MECOM: variants seen among roughly 807,000 people sequenced by gnomAD.
MECOM encodes histone-lysine N-methyltransferase MECOM.
MECOM carries 13 observed loss-of-function variants against 116.3 expected under a neutral mutation model. That is an observed-to-expected ratio of 0.11 (90% confidence interval 0.07 to 0.18). The LOEUF (loss-of-function observed/expected upper bound fraction) is 0.18, where lower values mean the gene tolerates loss of function less well. Ranked by LOEUF, MECOM falls within the 10% of genes least tolerant of loss-of-function variation. MECOM has a pLI of 1.00. For synonymous variants in MECOM, 528 were observed against 535.2 expected (o/e 0.99, Z 0.19); for missense variants, 1,299 against 1,509.0 (o/e 0.86, Z 2.31).
At chr3:169,596,506 G>A (rs905376577) in intron 1 of MECOM, among the ~76,000 whole-genome samples, 6 of 152,126 alleles carry the variant, frequency 3.9e-5, no homozygotes, top group Non-Finnish European at 5.9e-5. Flanking sequence ...TGGGTAAAGT[G>A]TCCTCAAAAT....
chr3:169,289,535 C>T (rs1228831745), intron 2 of MECOM, among the ~76,000 whole-genome samples: 1 of 152,144 alleles, frequency 6.6e-6, no homozygotes, highest in Non-Finnish European at 1.5e-5. Flanking sequence ...CATTAACATG[C>T]TTTCAAAACA....
chr3:169,473,428 A>C (rs533824001), intron 1 of MECOM, among the ~76,000 whole-genome samples: 45 of 152,336 alleles, frequency 3.0e-4, no homozygotes, highest in African/African-American at 1.0e-3. Flanking sequence ...TTAAGAAGTC[A>C]CTACTTTCTT....
chr3:169,120,920 A>G, intron 7 of MECOM, 136 bp downstream of exon 7: 1 of 758,000 alleles, frequency 1.3e-6, no homozygotes, highest in Non-Finnish European at 1.9e-6. Context: ...GTAATCATAA[A>G]TAGCCCTACT....
In MECOM at chr3:169,237,143, G is replaced by T. The variant is rs542651520; in HGVS notation, c.376-93311C>A. On this transcript the variant is annotated intron_variant, in intron 2 of 16. Coordinates refer to ENST00000651503, the MANE Select transcript of MECOM (RefSeq NM_004991.4). ...CAGTAAGTAATGTAATATCCACTAG[G>T]ATAATATGTAAATAGTAGAAAATAA... Among the ~76,000 whole-genome samples, 7 of 152,260 alleles carry T rather than the reference G, an allele frequency of 4.6e-5. No individual in the cohort carries two copies. In the East Asian group the frequency reaches 1.4e-3, roughly 29 times the overall value.
At chr3:169,105,898 T>A (rs1437249267) in intron 10 of MECOM, among the ~76,000 whole-genome samples, 1 of 152,118 alleles carries the variant, frequency 6.6e-6, no homozygotes, top group East Asian at 1.9e-4. Context: ...TTAGTATTTT[T>A]AAAAACATTT....
chr3:169,149,523 G>A lies in MECOM; in HGVS notation c.376-5691C>T, dbSNP rs371304909. On this transcript the variant is annotated intron_variant, in intron 2 of 16. Coordinates refer to ENST00000651503, the MANE Select transcript of MECOM (RefSeq NM_004991.4). Reference sequence around the variant, plus strand: ...GCGCTCCGAAATAAAGCGCAGCGCCGGCGGCTCCAGCCACCCAGGTGAACC... The same window carrying A: ...GCGCTCCGAAATAAAGCGCAGCGCCAGCGGCTCCAGCCACCCAGGTGAACC... 1.4e-3 allele frequency: 366 copies of A among 253,848 alleles called. 1 individual carries two copies. Among genetic ancestry groups the A allele is most frequent in the African/African-American group, 8.2e-3 (358 of 43,534 alleles). 15.7% of individuals were successfully genotyped at this position (253,848 alleles called of 1,614,324 possible). A position where few individuals can be genotyped will look rare whatever the true frequency, so the allele number is the denominator to read the frequency against.
At chr3:169,356,709 C>T (rs374135378) in intron 2 of MECOM, among the ~76,000 whole-genome samples, 16 of 151,998 alleles carry the variant, frequency 1.1e-4, no homozygotes, top group East Asian at 3.9e-4. Context: ...AGGTAGTGGA[C>T]GTCCCAGGCT....
At chr3:169,594,178 A>AAAAAAAACCTT (rs1553894686) in intron 1 of MECOM, among the ~76,000 whole-genome samples, 2 of 138,654 alleles carry the variant, frequency 1.4e-5, no homozygotes, top group African/African-American at 2.8e-5. Context: ...AAAAAAAAAC[A>AAAAAAAACCTT]CCTTTTCACC....
chr3:169,291,738 G>A (rs1714596613), intron 2 of MECOM, among the ~76,000 whole-genome samples: 1 of 152,162 alleles, frequency 6.6e-6, no homozygotes, highest in African/African-American at 2.4e-5. Flanking sequence ...TCTAGGCAGT[G>A]CATACATGCT....
At chr3:169,256,076 T>A (rs931988660) in intron 2 of MECOM, among the ~76,000 whole-genome samples, 3 of 152,196 alleles carry the variant, frequency 2.0e-5, no homozygotes, top group African/African-American at 7.2e-5. Flanking sequence ...TAGAATTCTG[T>A]CAGAAAAGTC....
chr3:169,656,993 T>C (rs886198879), intron 1 of MECOM, among the ~76,000 whole-genome samples: 1 of 152,162 alleles, frequency 6.6e-6, no homozygotes, highest in Non-Finnish European at 1.5e-5. Flanking sequence ...ATGAAGATAA[T>C]ATCTATATAT....
In MECOM at chr3:169,249,008, G is replaced by A. The variant is rs149413879; in HGVS notation, c.376-105176C>T. Among the ~76,000 whole-genome samples the A allele has an allele frequency of 4.3e-4, 66 of 152,208 alleles. No homozygotes were observed. The East Asian group carries it at 0.012, about 28-fold the overall frequency. ...ATCTCTCCATCCCATTTATAGGCAG[G>A]GTTCCAGGCTCTCAATCTCACCCAA... On this transcript the variant is annotated intron_variant, in intron 2 of 16. Coordinates refer to ENST00000651503, the MANE Select transcript of MECOM (RefSeq NM_004991.4).
rs148688664 is a variant in MECOM at position 169,084,199 on chromosome 3, G to A, written c.*710C>T. ...TCTAAAATTAAGATGTTATTACAAGGATTTGGCAAACAATTTATTAGTGGT... is the reference window on the plus strand; with the variant it reads ...TCTAAAATTAAGATGTTATTACAAGAATTTGGCAAACAATTTATTAGTGGT... On this transcript the variant is annotated 3_prime_UTR_variant, in exon 17 of 17. Transcript: ENST00000651503. 6.3e-4 allele frequency: 147 copies of A among 232,068 alleles called. 2 individuals are homozygous for A. The highest frequency in any genetic ancestry group is 3.1e-3 in the African/African-American group (142 of 45,436). The allele number at this position is 232,068 out of a possible 1,614,324, so 14.4% of individuals were successfully genotyped here.
chr3:169,541,072 T>C (rs1228369811), intron 1 of MECOM, among the ~76,000 whole-genome samples: 1 of 152,220 alleles, frequency 6.6e-6, no homozygotes, highest in Non-Finnish European at 1.5e-5. Flanking sequence ...TTCTATTTCA[T>C]CTTTGAGAGC....
At chr3:169,613,847 A>C (rs1445057614) in intron 1 of MECOM, 7 of 152,234 alleles carry the variant, frequency 4.6e-5, no homozygotes, top group Non-Finnish European at 1.0e-4. Context: ...AAAATGAGTA[A>C]AACAGAGTCC....
intron 2 of MECOM, among the ~76,000 whole-genome samples, chr3:169,300,220 C>T (rs1716449095): frequency 6.6e-6 from 1 of 152,148 alleles, no homozygotes; most frequent in Non-Finnish European, 1.5e-5. Flanking sequence ...GTCATAATTA[C>T]AGATTTGACT....
intron 2 of MECOM, among the ~76,000 whole-genome samples, chr3:169,232,835 C>T (rs1291656931): frequency 6.6e-6 from 1 of 152,012 alleles, no homozygotes; most frequent in African/African-American, 2.4e-5. Context: ...TTTTTCTCAG[C>T]TTAAACTCTA....
At chr3:169,096,282 T>G (rs1227164180) in intron 12 of MECOM, among the ~76,000 whole-genome samples, 1 of 151,564 alleles carries the variant, frequency 6.6e-6, no homozygotes, top group Non-Finnish European at 1.5e-5. Context: ...TTTTTTTTTT[T>G]GTTTTTTAGA....
chr3:169,292,865 G>A (rs116336177), intron 2 of MECOM, among the ~76,000 whole-genome samples: 1 of 152,234 alleles, frequency 6.6e-6, no homozygotes, highest in African/African-American at 2.4e-5. Flanking sequence ...GAGGCATGTG[G>A]GGCATTCTAA....
Sources: gnomAD v4.1 joint callset for allele counts (sites outside exome capture counted in the v4.1 genomes callset) on GRCh38, gnomAD v4.1.1 for gene constraint, MANE v1.5 for transcripts, NCBI Gene and HGNC (gene_info 2026-07-23, HGNC 2026-07-21) for gene names.